Variants in SPTSSA observed in about 807,000 individuals in gnomAD.
SPTSSA encodes the protein small subunit of serine palmitoyltransferase A.
Under a neutral mutation model 9.1 loss-of-function variants are expected in SPTSSA, and 8 were observed. That is an observed-to-expected ratio of 0.88 (90% CI 0.51 to 1.58). The LOEUF (loss-of-function observed/expected upper bound fraction) is 1.58, where lower values mean the gene tolerates loss of function less well. SPTSSA is among the 40% of genes most tolerant of loss of function. The probability of loss-of-function intolerance (pLI) is 0.00; values close to 1 mark genes in which losing one functional copy is unlikely to be tolerated. For synonymous variants in SPTSSA, 42 were observed against 37.7 expected (o/e 1.11, Z -0.41); for missense variants, 100 against 93.8 (o/e 1.07, Z -0.27).
At chr14:34,454,247 G>A (rs1883574919) in intron 1 of SPTSSA, among the ~76,000 whole-genome samples, 2 of 152,122 alleles carry the variant, frequency 1.3e-5, no homozygotes, top group Admixed American at 6.6e-5. Flanking sequence ...CTCATAGTCT[G>A]GAGGAATCAC....
At chr14:34,444,417 T>G (rs1883384361) in intron 1 of SPTSSA, among the ~76,000 whole-genome samples, 1 of 152,210 alleles carries the variant, frequency 6.6e-6, no homozygotes, top group Non-Finnish European at 1.5e-5. Context: ...CAGTCAAACC[T>G]TATCAGAATA....
chr14:34,433,372 C>T lies in SPTSSA; in HGVS notation c.*1829G>A, dbSNP rs968144770. ...ACTCACCAGAGGAATATTAGACATC[C>T]ACTTGTTAGTGGTTCTCTATGGGGG... is the stretch of plus-strand genomic sequence containing the variant. On this transcript the variant is annotated 3_prime_UTR_variant, in exon 2 of 2. Coordinates refer to ENST00000298130, the MANE Select transcript of SPTSSA (RefSeq NM_138288.4). 6.6e-6 allele frequency: 1 copy of T among 152,122 alleles called. No individual in the cohort carries two copies. The allele number at this position is 152,122 out of a possible 1,614,324, so 9.4% of individuals were successfully genotyped here. A position where few individuals can be genotyped will look rare whatever the true frequency, so the allele number is the denominator to read the frequency against.
At chr14:34,444,964 C>T (rs1443169697) in intron 1 of SPTSSA, among the ~76,000 whole-genome samples, 9 of 151,460 alleles carry the variant, frequency 5.9e-5, no homozygotes, top group African/African-American at 1.5e-4. Flanking sequence ...TGGTGGTGGG[C>T]GCCTGTAATC....
At chr14:34,436,177 T>A (rs574434655) in intron 1 of SPTSSA, among the ~76,000 whole-genome samples, 1 of 152,206 alleles carries the variant, frequency 6.6e-6, no homozygotes, top group Non-Finnish European at 1.5e-5. Flanking sequence ...CTATTAAACA[T>A]TATTATCACT....
chr14:34,434,210 T>C lies in SPTSSA; in HGVS notation c.*991A>G, dbSNP rs1883203600. 2.0e-5 allele frequency: 3 copies of C among 152,336 alleles called. No homozygotes were observed. In the South Asian group the frequency reaches 6.2e-4, roughly 32 times the overall value. 9.4% of individuals were successfully genotyped at this position (152,336 alleles called of 1,614,324 possible). A position where few individuals can be genotyped will look rare whatever the true frequency, so the allele number is the denominator to read the frequency against. ...AATGTATTTACATCAAAAAATTAGG[T>C]AGTCATTTTACATTTAAGGAATAAA... is the stretch of plus-strand genomic sequence containing the variant. On this transcript the variant is annotated 3_prime_UTR_variant, in exon 2 of 2. Coordinates refer to ENST00000298130, the MANE Select transcript of SPTSSA (RefSeq NM_138288.4).
intron 1 of SPTSSA, among the ~76,000 whole-genome samples, chr14:34,456,537 G>T (rs1020645545): frequency 1.3e-5 from 2 of 152,152 alleles, no homozygotes; most frequent in Middle Eastern, 3.4e-3. Flanking sequence ...AACATCATCA[G>T]CAGCAAAGAG....
At position 34,450,982 on chromosome 14, in the gene SPTSSA, C is replaced by T. The variant is rs1456839302; in HGVS notation, c.112+11114G>A. On this transcript the variant is annotated intron_variant, in intron 1 of 1. Coordinates refer to ENST00000298130, the MANE Select transcript of SPTSSA (RefSeq NM_138288.4). ...CTTTCTTTAAGAGGAATCTCCTAAA[C>T]ATAAGCTAAGTTTCCAGCAAGCTAG... Among the ~76,000 whole-genome samples, 5 of 149,564 alleles carry T rather than the reference C, an allele frequency of 3.3e-5. No homozygotes were observed. In the East Asian group the frequency reaches 9.8e-4, roughly 29 times the overall value.
At chr14:34,441,003 A>T (rs1375096290) in intron 1 of SPTSSA, among the ~76,000 whole-genome samples, 1 of 152,254 alleles carries the variant, frequency 6.6e-6, no homozygotes, top group Non-Finnish European at 1.5e-5. Flanking sequence ...TCTAAGTGAA[A>T]CAATAACTTA....
intron 1 of SPTSSA, among the ~76,000 whole-genome samples, chr14:34,445,358 G>A (rs184066349): frequency 2.6e-5 from 4 of 151,824 alleles, no homozygotes; most frequent in Admixed American, 2.0e-4. Flanking sequence ...AAAACTAGCC[G>A]AGCGTGGTGG....
At chr14:34,442,528 G>A (rs997612996) in intron 1 of SPTSSA, among the ~76,000 whole-genome samples, 1 of 152,234 alleles carries the variant, frequency 6.6e-6, no homozygotes, top group African/African-American at 2.4e-5. Flanking sequence ...CCTGCCCAAA[G>A]GGGATGCTCC....
intron 1 of SPTSSA, among the ~76,000 whole-genome samples, chr14:34,458,549 T>G (rs1356739237): frequency 6.6e-6 from 1 of 151,040 alleles, no homozygotes; most frequent in Non-Finnish European, 1.5e-5. Context: ...CAGGCTGGAG[T>G]GCAGTGGCAC....
At chr14:34,457,687 C>A (rs994209897) in intron 1 of SPTSSA, among the ~76,000 whole-genome samples, 8 of 152,074 alleles carry the variant, frequency 5.3e-5, no homozygotes, top group African/African-American at 1.7e-4. Flanking sequence ...CAGATGGTAG[C>A]CCAGGCATCT....
intron 1 of SPTSSA, among the ~76,000 whole-genome samples, chr14:34,448,911 G>T (rs1883470687): frequency 6.6e-6 from 1 of 152,076 alleles, no homozygotes; most frequent in Non-Finnish European, 1.5e-5. Flanking sequence ...GAGGTAGGAG[G>T]ATCACTTGAG....
intron 1 of SPTSSA, among the ~76,000 whole-genome samples, chr14:34,449,410 T>G (rs1883478576): frequency 6.6e-6 from 1 of 151,874 alleles, no homozygotes; most frequent in East Asian, 1.9e-4. Context: ...AAAACAAAAA[T>G]TTTAATTTCT....
rs1190389986 is a variant in SPTSSA, at chr14:34,440,950, CTTT to C, written c.113-5649_113-5647del. On this transcript the variant is annotated intron_variant, in intron 1 of 1. Transcript: ENST00000298130. ...ATTTTGTGAACATTAAATTGTTAAG[CTTT>C]TAAATTTTTTACATGCCTATAAAAG... Among the ~76,000 whole-genome samples, 116 of 151,508 alleles carry C rather than the reference CTTT, an allele frequency of 7.7e-4. 1 individual carries two copies. Among genetic ancestry groups the C allele is most frequent in the African/African-American group, 2.8e-3 (115 of 41,364 alleles).
chr14:34,434,888 T>A lies in SPTSSA; in HGVS notation c.*313A>T, dbSNP rs1386176957. 5.6e-6 allele frequency: 1 copy of A among 178,530 alleles called. No homozygotes were observed. Among genetic ancestry groups the A allele is most frequent in the Non-Finnish European group, 1.2e-5 (1 of 85,200 alleles). 11.1% of individuals were successfully genotyped at this position (178,530 alleles called of 1,614,324 possible). On this transcript the variant is annotated 3_prime_UTR_variant, in exon 2 of 2. Coordinates refer to ENST00000298130, the MANE Select transcript of SPTSSA (RefSeq NM_138288.4). Reference sequence around the variant, plus strand: ...AAGGCAATTAAAATGTACTCAAAGTTACATTAAGAAAAGCTTTCACGGGGG... The same window carrying A: ...AAGGCAATTAAAATGTACTCAAAGTAACATTAAGAAAAGCTTTCACGGGGG...
Position 34,434,549 on chromosome 14 carries a change from A to G in SPTSSA, c.*652T>C, listed in dbSNP as rs1478796169. ...AGTCCACATAAGAATTAAATATTTA[A>G]AAGGTGAAATGTTCCTTATTTTAAC... On this transcript the variant is annotated 3_prime_UTR_variant, in exon 2 of 2. Coordinates refer to ENST00000298130, the MANE Select transcript of SPTSSA (RefSeq NM_138288.4). 6.6e-6 allele frequency: 1 copy of G among 152,646 alleles called. No individual in the cohort carries two copies. Among genetic ancestry groups the G allele is most frequent in the Non-Finnish European group, 1.5e-5 (1 of 68,030 alleles). The allele number at this position is 152,646 out of a possible 1,614,324, so 9.5% of individuals were successfully genotyped here.
chr14:34,449,369 T>G (rs1883477428), intron 1 of SPTSSA, among the ~76,000 whole-genome samples: 1 of 152,040 alleles, frequency 6.6e-6, no homozygotes, highest in African/African-American at 2.4e-5. Context: ...CACTCTAGCC[T>G]GGATGACTGA....
intron 1 of SPTSSA, among the ~76,000 whole-genome samples, chr14:34,450,550 T>C (rs1445981316): frequency 1.3e-5 from 2 of 152,262 alleles, no homozygotes; most frequent in African/African-American, 4.8e-5. Context: ...AGTAGCTGTA[T>C]ACAAATTAAT....
Sources: allele counts gnomAD v4.1 joint callset (sites outside exome capture counted in the v4.1 genomes callset), GRCh38; gene constraint gnomAD v4.1.1; transcripts MANE v1.5; gene names NCBI Gene and HGNC (gene_info 2026-07-23, HGNC 2026-07-21).